The following STXBP5 variants were observed in gnomAD, a reference collection of about 807,000 sequenced individuals.
The protein encoded by STXBP5 is syntaxin-binding protein 5.
A neutral mutation model predicts 152.4 loss-of-function variants in STXBP5; 50 were observed. The ratio of observed to expected loss-of-function variants is 0.33; its 90% CI spans 0.26 to 0.42. The LOEUF (loss-of-function observed/expected upper bound fraction) is 0.42. Among genes scored for constraint, STXBP5 ranks in the 10% least tolerant of loss-of-function variants. STXBP5 has a pLI of 1.00. For missense variants in STXBP5, 1,167 were observed against 1,388.6 expected, an observed-to-expected ratio of 0.84 and a Z score of 2.54; for synonymous variants, 492 against 494.7, an observed-to-expected ratio of 0.99 and a Z score of 0.07.
At chr6:147,252,588 A>G (rs1779152573) in intron 4 of STXBP5, among the ~76,000 whole-genome samples, 1 of 152,142 alleles carries the variant, frequency 6.6e-6, no homozygotes, top group Non-Finnish European at 1.5e-5. Flanking sequence ...AAAAGACCAA[A>G]CCTATGTTTG....
intron 8 of STXBP5, among the ~76,000 whole-genome samples, chr6:147,286,384 A>G (rs1780963358): frequency 6.6e-6 from 1 of 152,200 alleles, no homozygotes. Context: ...GTATATATTT[A>G]TAAAAATTTA....
chr6:147,232,851 C>T (rs997619326), intron 2 of STXBP5, among the ~76,000 whole-genome samples: 1 of 151,808 alleles, frequency 6.6e-6, no homozygotes, highest in Non-Finnish European at 1.5e-5. Flanking sequence ...TAGTGTCATA[C>T]ATAGCCCAAG....
At chr6:147,253,609 G>A (rs1050193565) in intron 4 of STXBP5, among the ~76,000 whole-genome samples, 5 of 152,064 alleles carry the variant, frequency 3.3e-5, no homozygotes, top group African/African-American at 1.2e-4. Flanking sequence ...CAAAGTTTCA[G>A]GATACAAAAT....
intron 4 of STXBP5, among the ~76,000 whole-genome samples, chr6:147,242,367 T>C (rs756611631): frequency 2.0e-5 from 3 of 152,242 alleles, no homozygotes; most frequent in South Asian, 2.1e-4. Context: ...CTAAGGTTAA[T>C]TTATTATTGA....
At chr6:147,324,166 A>G (rs569930438) in intron 16 of STXBP5, among the ~76,000 whole-genome samples, 1 of 150,598 alleles carries the variant, frequency 6.6e-6, no homozygotes, top group African/African-American at 2.4e-5. Context: ...ACACACACAA[A>G]TTGCTCATAT....
intron 4 of STXBP5, among the ~76,000 whole-genome samples, 162 bp from the exon 5 acceptor site, chr6:147,260,453 G>A (rs920691849): frequency 1.3e-5 from 2 of 152,012 alleles, no homozygotes; most frequent in Non-Finnish European, 2.9e-5. Flanking sequence ...TGTATAAGCT[G>A]AATTAGCATA....
At chr6:147,315,494 C>T (rs1475864340) in intron 14 of STXBP5, 21 bp from the exon 15 acceptor site, 2 of 1,477,644 alleles carry the variant, frequency 1.4e-6, no homozygotes, top group Non-Finnish European at 1.9e-6. Context: ...AAGTATCTGA[C>T]ATATATTATC....
At position 147,260,600 on chromosome 6, in the gene STXBP5, A is replaced by G. The variant is rs1779595502; in HGVS notation, c.432-15A>G. On this transcript the variant is annotated splice_polypyrimidine_tract_variant and intron_variant, in intron 4 of 27. Transcript: ENST00000321680. ...TTTTTCAAATTTCTTTTTTGAGTATATTTTTCTCTTGCAGGGTTACATTTT... is the reference window on the plus strand; with the variant it reads ...TTTTTCAAATTTCTTTTTTGAGTATGTTTTTCTCTTGCAGGGTTACATTTT... 5 of 1,613,300 alleles carry G rather than the reference A, an allele frequency of 3.1e-6. No individual in the cohort carries two copies. Among genetic ancestry groups the G allele is most frequent in the African/African-American group, 2.7e-5 (2 of 74,976 alleles).
At chr6:147,216,738 T>G (rs139044912) in intron 2 of STXBP5, among the ~76,000 whole-genome samples, 278 of 152,316 alleles carry the variant, frequency 1.8e-3, no homozygotes, top group African/African-American at 6.5e-3. Context: ...AGCATATTTC[T>G]TTATATTTAT....
chr6:147,273,195 T>TAAAAAGAAAAAAAAAAAAA (rs1554291509), intron 7 of STXBP5, among the ~76,000 whole-genome samples: 1 of 129,318 alleles, frequency 7.7e-6, no homozygotes, highest in Non-Finnish European at 1.6e-5. Flanking sequence ...TCTAAAAAAG[T>TAAAAAGAAAAAAAAAAAAA]AAAAAAAAAA....
At chr6:147,287,993 G>A (rs9497739) in intron 8 of STXBP5, among the ~76,000 whole-genome samples, 2,702 of 151,070 alleles carry the variant, frequency 0.018, 71 homozygotes, top group African/African-American at 0.061. Flanking sequence ...TCTCAAAGTC[G>A]GCCAGAAATG....
chr6:147,265,342 A>G (rs956929178), intron 6 of STXBP5, among the ~76,000 whole-genome samples: 11 of 152,136 alleles, frequency 7.2e-5, no homozygotes, highest in South Asian at 4.1e-4. Flanking sequence ...GGTTCTGCCC[A>G]AATTTTGTTT....
chr6:147,374,106 GTACT>G (rs1481989294), intron 26 of STXBP5, among the ~76,000 whole-genome samples: 2 of 152,116 alleles, frequency 1.3e-5, no homozygotes, highest in Non-Finnish European at 2.9e-5. Context: ...AATGTAGGAA[GTACT>G]TACTTTATGT....
At chr6:147,293,802 G>A (rs896734632) in intron 9 of STXBP5, among the ~76,000 whole-genome samples, 9 of 152,050 alleles carry the variant, frequency 5.9e-5, no homozygotes, top group East Asian at 3.9e-4. Context: ...CATACATATC[G>A]TTAGTAATGA....
chr6:147,301,065 A>G (rs1037555339), intron 9 of STXBP5, among the ~76,000 whole-genome samples: 1 of 152,096 alleles, frequency 6.6e-6, no homozygotes, highest in African/African-American at 2.4e-5. Flanking sequence ...CGACATCACT[A>G]ATCATCAGGG....
chr6:147,283,974 A>G (rs569628577), intron 8 of STXBP5, among the ~76,000 whole-genome samples: 5 of 152,208 alleles, frequency 3.3e-5, no homozygotes, highest in African/African-American at 7.2e-5. Flanking sequence ...GTGTGATTCT[A>G]AATTTGCTAG....
rs1487844453 is a variant in STXBP5, at chr6:147,384,728, C to T, written c.3429C>T (p.Tyr1143=). ...SKHAHEIMLK[Y]KDKKWYQF ...TCCCCCTTTAGATTATGTTGAAATA[C>T]AAAGATAAGAAGTGGTACCAGTTCT... The change falls in exon 28 of 28, where the codon TAC becomes TAT. Residue 1143 remains tyrosine, a synonymous_variant. Coordinates refer to ENST00000321680, the MANE Select transcript of STXBP5 (RefSeq NM_001127715.4). 4 of 1,610,720 alleles carry T rather than the reference C, an allele frequency of 2.5e-6. No homozygotes were observed. In the East Asian group the frequency reaches 8.9e-5, roughly 36 times the overall value.
intron 8 of STXBP5, among the ~76,000 whole-genome samples, chr6:147,280,053 A>C (rs1335345683): frequency 1.4e-5 from 2 of 141,756 alleles, no homozygotes; most frequent in African/African-American, 5.4e-5. Flanking sequence ...ATTCACTTGC[A>C]AATATTCCAT....
In STXBP5 at chr6:147,280,455, G is replaced by A. The variant is rs142219864; in HGVS notation, c.838+2251G>A. 8.7e-4 allele frequency among the ~76,000 whole-genome samples: 132 copies of A among 151,994 alleles called. 1 individual carries two copies. The highest frequency in any genetic ancestry group is 3.0e-3 in the African/African-American group (126 of 41,472). ...GCTAGTTCTCTCCATTATTAAAAAG[G>A]TTTTCTTTTTACTTTTGAAATTGAG... On this transcript the variant is annotated intron_variant, in intron 8 of 27. Transcript: ENST00000321680.
Sources: gnomAD v4.1 joint callset for allele counts (sites outside exome capture counted in the v4.1 genomes callset) on GRCh38, gnomAD v4.1.1 for gene constraint, MANE v1.5 for transcripts, NCBI Gene and HGNC (gene_info 2026-07-23, HGNC 2026-07-21) for gene names.